Variants in SEC14L2 observed in about 807,000 individuals in gnomAD.
SEC14L2 encodes SEC14-like protein 2.
Under a neutral mutation model 56.9 loss-of-function variants are expected in SEC14L2, and 50 were observed. The observed-to-expected ratio is 0.88, with a 90% CI of 0.70 to 1.11. The LOEUF (loss-of-function observed/expected upper bound fraction) is 1.11. SEC14L2 is among the 50% of genes most tolerant of loss of function. The probability of loss-of-function intolerance (pLI) is 0.00; values close to 1 mark genes in which losing one functional copy is unlikely to be tolerated. For missense variants in SEC14L2, 414 were observed against 500.7 expected (o/e 0.83, Z 1.65); for synonymous variants, 179 against 188.5 (o/e 0.95, Z 0.41).
intron 1 of SEC14L2, chr22:30,397,971 G>A: frequency 2.2e-6 from 1 of 446,062 alleles, no homozygotes; most frequent in South Asian, 1.6e-5. Context: ...TGTCACCCCT[G>A]GGGAGTGAGG....
chr22:30,410,594 A>G lies in SEC14L2; in HGVS notation c.581-2A>G. On this transcript the variant is annotated splice_acceptor_variant, in intron 7 of 11. Coordinates refer to ENST00000615189, the MANE Select transcript of SEC14L2 (RefSeq NM_012429.5). LOFTEE classifies it high-confidence loss of function. Reference sequence around the variant, plus strand: ...CCTCACATTATCTGGTCTCTGTTCCAGCCCCCAAACTGTTTCCTGTGGCCT... The same window carrying G: ...CCTCACATTATCTGGTCTCTGTTCCGGCCCCCAAACTGTTTCCTGTGGCCT... 6.2e-7 allele frequency: 1 copy of G among 1,614,062 alleles called. No individual in the cohort carries two copies. Among genetic ancestry groups the G allele is most frequent in the Non-Finnish European group, 8.5e-7 (1 of 1,179,874 alleles).
In SEC14L2 at chr22:30,401,065, G is replaced by A. The variant is rs141364273; in HGVS notation, c.130+1347G>A. The stretch of plus-strand genomic sequence containing the variant: ...TAGAATCATATCCTAAAATATTAAA[G>A]TACAAATTATGCCCTATTATTTTAA... On this transcript the variant is annotated intron_variant, in intron 2 of 11. Coordinates refer to ENST00000615189, the MANE Select transcript of SEC14L2 (RefSeq NM_012429.5). Among the ~76,000 whole-genome samples the A allele has an allele frequency of 5.3e-5, 8 of 150,708 alleles. No homozygotes were observed. The East Asian group carries it at 1.6e-3, about 29-fold the overall frequency.
chr22:30,413,171 A>G (rs1461916710), intron 8 of SEC14L2, among the ~76,000 whole-genome samples: 1 of 152,236 alleles, frequency 6.6e-6, no homozygotes, highest in Non-Finnish European at 1.5e-5. Flanking sequence ...ACAGAGGCAG[A>G]ACCCTGGGGA....
chr22:30,407,891 C>A (rs896319306), intron 5 of SEC14L2, among the ~76,000 whole-genome samples: 4 of 152,046 alleles, frequency 2.6e-5, no homozygotes, highest in Non-Finnish European at 5.9e-5. Flanking sequence ...TTGGGATTTC[C>A]TAGACCAGTG....
Position 30,399,701 on chromosome 22 carries a change from T to C in SEC14L2, c.113T>C (p.Leu38Pro). 1.9e-6 allele frequency: 3 copies of C among 1,613,698 alleles called. No homozygotes were observed. Among genetic ancestry groups the C allele is most frequent in the Non-Finnish European group, 2.5e-6 (3 of 1,179,906 alleles). ...CTGCCGAATCCAGATGACTATTTTC[T>C]CCTGCGTTGGCTCCGAGGTGAGGGA... ...PALPNPDDYF[L>P]LRWLRARSFD... Residue 38 changes from leucine to proline, a missense_variant, in exon 2 of 12, where the codon CTC (leucine) becomes CCC (proline). Physicochemically the swap from Leu to Pro is moderately conservative, Grantham distance 98 (BLOSUM62 -3). Transcript: ENST00000615189.
Position 30,400,078 on chromosome 22 carries a change from T to C in SEC14L2, c.130+360T>C, listed in dbSNP as rs193177263. On this transcript the variant is annotated intron_variant, in intron 2 of 11. Transcript: ENST00000615189. ...AAAAGTGAGAAAGGCCCCAGCCATG[T>C]GGGGGGTCGGAGGCAGAGCCAAGTG... 4.9e-3 allele frequency among the ~76,000 whole-genome samples: 747 copies of C among 152,306 alleles called. 3 individuals carry two copies. Among genetic ancestry groups the C allele is most frequent in the Non-Finnish European group, 5.8e-3 (395 of 68,016 alleles).
At chr22:30,407,700 GC>G (rs1488023034) in intron 5 of SEC14L2, 97 bp downstream of exon 5, 1 of 1,092,538 alleles carries the variant, frequency 9.2e-7, no homozygotes, top group African/African-American at 1.6e-5. Flanking sequence ...CAGCTTCAGG[GC>G]CAAGGCCCAG....
intron 8 of SEC14L2, among the ~76,000 whole-genome samples, chr22:30,414,055 T>A (rs1934323829): frequency 6.6e-6 from 1 of 152,088 alleles, no homozygotes; most frequent in African/African-American, 2.4e-5. Flanking sequence ...GATCTTGAAC[T>A]CCTGGGATCA....
rs751343336 is a variant in SEC14L2, at chr22:30,401,490, TTTTTA to T, written c.130+1779_130+1783del. On this transcript the variant is annotated intron_variant, in intron 2 of 11. Transcript: ENST00000615189. ...CGTGAGCCACCACACCTGGCTGTTA[TTTTTA>T]TTTTATATTTTTATTTTTATTATTT... Among the ~76,000 whole-genome samples the T allele has an allele frequency of 4.6e-5, 7 of 151,242 alleles. No homozygotes were observed. The South Asian group carries it at 6.2e-4, about 13-fold the overall frequency.
At chr22:30,407,058 C>T (rs1569207282) in intron 3 of SEC14L2, 37 bp from the exon 4 acceptor site, 1 of 1,607,346 alleles carries the variant, frequency 6.2e-7, no homozygotes, top group South Asian at 1.1e-5. Context: ...GGCTGTCCAT[C>T]CCTCCTTTTA....
At chr22:30,407,264 A>T (rs944928671) in intron 4 of SEC14L2, 110 bp downstream of exon 4, 11 of 1,462,460 alleles carry the variant, frequency 7.5e-6, no homozygotes, top group Non-Finnish European at 1.0e-5. Flanking sequence ...GACAATGCCC[A>T]CTGAGCCCTG....
chr22:30,398,939 G>A, intron 1 of SEC14L2: 1 of 395,704 alleles, frequency 2.5e-6, no homozygotes, highest in Non-Finnish European at 5.4e-6. Flanking sequence ...TTGTGAGTGA[G>A]GAGTAAATAA....
intron 8 of SEC14L2, among the ~76,000 whole-genome samples, chr22:30,415,380 C>A (rs1316519441): frequency 6.6e-6 from 1 of 152,140 alleles, no homozygotes; most frequent in Non-Finnish European, 1.5e-5. Flanking sequence ...TTGCAGTGAT[C>A]CAAGATTGCG....
chr22:30,406,380 C>T lies in SEC14L2; in HGVS notation c.169C>T (p.Arg57Trp), dbSNP rs766765779. The T allele has an allele frequency of 9.3e-6, 15 of 1,613,922 alleles. No individual in the cohort carries two copies. The highest frequency in any genetic ancestry group is 5.5e-5 in the South Asian group (5 of 91,068). The change falls in exon 3 of 12, where the codon CGG (arginine) becomes TGG (tryptophan). Residue 57 changes from arginine (R) to tryptophan (W), a missense_variant. Transcript: ENST00000615189. ...CCTGCAGAAGTCGGAGGCCATGCTC[C>T]GGAAGGTGAGACACATTTGGCTGTT... Reference protein sequence around the residue: ...FDLQKSEAMLRKHVEFRKQKD... With the variant: ...FDLQKSEAMLWKHVEFRKQKD...
chr22:30,422,139 GA>G, intron 11 of SEC14L2, 137 bp from the exon 12 acceptor site: 19 of 1,073,720 alleles, frequency 1.8e-5, no homozygotes, highest in Non-Finnish European at 2.6e-5. Context: ...GAAGGTCAAG[GA>G]TCATTACCTA....
chr22:30,407,089 T>C lies in SEC14L2; in HGVS notation c.175-6T>C, dbSNP rs762496912. ...TTTTAAAAATTTCCCCATTGTATCT[T>C]TGTAGCATGTGGAGTTCCGAAAGCA... On this transcript the variant is annotated splice_polypyrimidine_tract_variant and splice_region_variant and intron_variant, in intron 3 of 11. Coordinates refer to ENST00000615189, the MANE Select transcript of SEC14L2 (RefSeq NM_012429.5). The C allele has an allele frequency of 8.1e-6, 13 of 1,613,488 alleles. No homozygotes were observed. The highest frequency in any genetic ancestry group is 1.1e-5 in the Non-Finnish European group (13 of 1,179,788).
At position 30,416,284 on chromosome 22, in the gene SEC14L2, A is replaced by G; in HGVS notation, c.962A>G (p.Lys321Arg). Residue 321 changes from lysine (K) to arginine (R), a missense_variant, in exon 11 of 12, where the codon AAG becomes AGG. Transcript: ENST00000615189. ...GADVGFGIFLKTKMGERQRAG... is the reference protein window; with the variant it reads ...GADVGFGIFLRTKMGERQRAG... ...GATGTTGGTTTTGGGATTTTCCTGAAGACCAAGATGGGAGAGAGGCAGCGG... is the reference window on the plus strand; with the variant it reads ...GATGTTGGTTTTGGGATTTTCCTGAGGACCAAGATGGGAGAGAGGCAGCGG... The G allele has an allele frequency of 6.2e-7, 1 of 1,614,226 alleles. No homozygotes were observed. Among genetic ancestry groups the G allele is most frequent in the Non-Finnish European group, 8.5e-7 (1 of 1,180,034 alleles).
intron 8 of SEC14L2, among the ~76,000 whole-genome samples, chr22:30,413,702 AT>A (rs1250391920): frequency 1.3e-5 from 2 of 152,150 alleles, no homozygotes; most frequent in African/African-American, 4.8e-5. Flanking sequence ...GATTTTCCAA[AT>A]GTATGCTAGT....
Position 30,416,127 on chromosome 22 carries a change from C to T in SEC14L2, c.911+40C>T, listed in dbSNP as rs369336932. The T allele has an allele frequency of 7.4e-5, 120 of 1,613,008 alleles. No individual in the cohort carries two copies. The Admixed American group carries it at 8.5e-4, about 11-fold the overall frequency. ...CCTTCCAGGAGACCCGAGCTTTCAT[C>T]TATAGGTCCTGATAGGTGGGCTGGA... On this transcript the variant is annotated intron_variant, in intron 10 of 11. Coordinates refer to ENST00000615189, the MANE Select transcript of SEC14L2 (RefSeq NM_012429.5).
Sources: gnomAD v4.1 joint callset for allele counts (sites outside exome capture counted in the v4.1 genomes callset) on GRCh38, gnomAD v4.1.1 for gene constraint, MANE v1.5 for transcripts, NCBI Gene and HGNC (gene_info 2026-07-23, HGNC 2026-07-21) for gene names.